The following ADD3 variants were observed in gnomAD, a reference collection of about 807,000 sequenced individuals.
ADD3 encodes adducin 3.
ADD3 carries 25 observed loss-of-function variants against 80.2 expected under a neutral mutation model. The ratio of observed to expected loss-of-function variants is 0.31; its 90% CI spans 0.23 to 0.44. The LOEUF is 0.44. Among genes scored for constraint, ADD3 ranks in the 20% least tolerant of loss-of-function variants. The pLI is 1.00. For missense variants in ADD3, 829 were observed against 847.5 expected (o/e 0.98, Z 0.27); for synonymous variants, 284 against 289.6 (o/e 0.98, Z 0.20).
chr10:110,021,848 T>C (rs1006251984), intron 1 of ADD3, among the ~76,000 whole-genome samples: 1 of 152,200 alleles, frequency 6.6e-6, no homozygotes, highest in African/African-American at 2.4e-5. Flanking sequence ...TGTACAATTA[T>C]TAGTAAATTT....
At chr10:110,112,991 A>G in intron 3 of ADD3, 76 bp downstream of exon 3, 16 of 1,489,056 alleles carry the variant, frequency 1.1e-5, no homozygotes, top group Non-Finnish European at 1.3e-5. Flanking sequence ...CTAGCAGCAT[A>G]TTCTGCTCGG....
At chr10:110,097,928 C>T (rs1848364104) in intron 1 of ADD3, among the ~76,000 whole-genome samples, 1 of 152,078 alleles carries the variant, frequency 6.6e-6, no homozygotes, top group African/African-American at 2.4e-5. Flanking sequence ...GCGCCTGCCA[C>T]CACGCCTGGC....
chr10:110,131,489 A>G (rs1433082624), intron 13 of ADD3, among the ~76,000 whole-genome samples: 1 of 152,230 alleles, frequency 6.6e-6, no homozygotes. Context: ...CATCCACAAC[A>G]TACAGTTGAA....
chr10:110,118,968 T>C (rs1485620169), intron 6 of ADD3, among the ~76,000 whole-genome samples: 1 of 152,214 alleles, frequency 6.6e-6, no homozygotes, highest in East Asian at 1.9e-4. Context: ...TCATTGAGTT[T>C]TTTGGAGCAA....
At chr10:110,036,115 C>T (rs1855610632) in intron 1 of ADD3, among the ~76,000 whole-genome samples, 1 of 152,052 alleles carries the variant, frequency 6.6e-6, no homozygotes, top group Admixed American at 6.5e-5. Flanking sequence ...CATGCCACTG[C>T]ACTCCAGCGT....
At chr10:110,030,038 T>A (rs1297954225) in intron 1 of ADD3, among the ~76,000 whole-genome samples, 2 of 152,056 alleles carry the variant, frequency 1.3e-5, no homozygotes, top group African/African-American at 4.8e-5. Flanking sequence ...AAGAAAGTGA[T>A]GATGGCTGGG....
At chr10:110,049,369 G>T (rs112309314) in intron 1 of ADD3, among the ~76,000 whole-genome samples, 3,403 of 152,224 alleles carry the variant, frequency 0.022, 135 homozygotes, top group African/African-American at 0.074. Flanking sequence ...GTGAGAAGAG[G>T]GCCACTGTCC....
intron 1 of ADD3, among the ~76,000 whole-genome samples, chr10:110,036,200 T>G (rs1244765202): frequency 1.3e-5 from 2 of 151,936 alleles, no homozygotes; most frequent in African/African-American, 4.8e-5. Context: ...TCCTGGAAGC[T>G]CTTTTCTTAT....
intron 1 of ADD3, among the ~76,000 whole-genome samples, chr10:110,077,860 G>T (rs1034508920): frequency 6.6e-6 from 1 of 152,060 alleles, no homozygotes; most frequent in Non-Finnish European, 1.5e-5. Flanking sequence ...CCTTTGGAGT[G>T]TTTAATTATT....
At chr10:110,063,760 TATATATATATATATATATATATAA>T (rs1204640422) in intron 1 of ADD3, among the ~76,000 whole-genome samples, 2 of 71,304 alleles carry the variant, frequency 2.8e-5, no homozygotes, top group Admixed American at 2.5e-4. Context: ...TATATATATA[TATATATATATATATATATATATAA>T]AGTGAACACC....
At chr10:110,060,709 C>G (rs1313854219) in intron 1 of ADD3, among the ~76,000 whole-genome samples, 3 of 152,188 alleles carry the variant, frequency 2.0e-5, no homozygotes, top group Non-Finnish European at 1.5e-5. Flanking sequence ...TAGATTGTGT[C>G]TATCAACACA....
chr10:110,107,123 T>C (rs1255229931), intron 2 of ADD3, among the ~76,000 whole-genome samples: 6 of 152,076 alleles, frequency 3.9e-5, no homozygotes, highest in Admixed American at 2.0e-4. Flanking sequence ...AATCTAGAAA[T>C]GTGAAAGACA....
chr10:110,118,565 A>G, intron 5 of ADD3, 22 bp from the exon 6 acceptor site: 1 of 1,609,256 alleles, frequency 6.2e-7, no homozygotes, highest in Non-Finnish European at 8.5e-7. Flanking sequence ...CCAGTTAAAT[A>G]TGTCCTTCTG....
chr10:110,130,761 C>A (rs11194999), intron 13 of ADD3, among the ~76,000 whole-genome samples: 5 of 151,378 alleles, frequency 3.3e-5, no homozygotes, highest in Non-Finnish European at 7.4e-5. Flanking sequence ...GTGGCTGAGG[C>A]AGGAGAATCG....
At chr10:110,027,721 T>C (rs1297410351) in intron 1 of ADD3, among the ~76,000 whole-genome samples, 3 of 152,182 alleles carry the variant, frequency 2.0e-5, no homozygotes, top group Non-Finnish European at 4.4e-5. Flanking sequence ...CTAGGGGGAC[T>C]AAAGTCTTGC....
At chr10:110,097,627 A>G (rs562586364) in intron 1 of ADD3, among the ~76,000 whole-genome samples, 1 of 152,294 alleles carries the variant, frequency 6.6e-6, no homozygotes, top group African/African-American at 2.4e-5. Flanking sequence ...TACAGATTCT[A>G]TTTAAATTTC....
chr10:110,119,466 G>A lies in ADD3; in HGVS notation c.862G>A (p.Val288Met). ...LQKVLGPSCK[V>M]LVLRNHGVVA... ...GATTGCTGTGGGCATTCTATTTTAG[G>A]TGCTGGTACTCAGGAATCATGGTGT... Residue 288 changes from valine to methionine, a missense_variant and splice_region_variant, in exon 8 of 15, where the codon GTG (valine) becomes ATG (methionine). Physicochemically the swap from Val to Met is conservative, Grantham distance 21 (BLOSUM62 1). Coordinates refer to ENST00000356080, the MANE Select transcript of ADD3 (RefSeq NM_016824.5). 2 of 1,614,054 alleles carry A rather than the reference G, an allele frequency of 1.2e-6. No individual in the cohort carries two copies. Among genetic ancestry groups the A allele is most frequent in the Non-Finnish European group, 1.7e-6 (2 of 1,179,962 alleles).
chr10:110,126,038 A>C, intron 11 of ADD3, 93 bp downstream of exon 11: 1 of 1,292,352 alleles, frequency 7.7e-7, no homozygotes, highest in Non-Finnish European at 1.1e-6. Context: ...CAAACTTAGA[A>C]GTTTGAATAC....
At chr10:110,002,549 C>A (rs1045153006), upstream of ADD3, among the ~76,000 whole-genome samples, 1 of 152,098 alleles carries the variant, frequency 6.6e-6, no homozygotes, top group South Asian at 2.1e-4. Context: ...GCTGGGATTA[C>A]AGGCATGAGC....
Sources: gnomAD v4.1 joint callset for allele counts (sites outside exome capture counted in the v4.1 genomes callset) on GRCh38, gnomAD v4.1.1 for gene constraint, MANE v1.5 for transcripts, NCBI Gene and HGNC (gene_info 2026-07-23, HGNC 2026-07-21) for gene names.